The following LOXHD1 variants were observed in gnomAD, a reference collection of about 807,000 sequenced individuals.
The protein encoded by LOXHD1 is lipoxygenase homology domain-containing protein 1.
In LOXHD1, 205 loss-of-function variants were observed where a neutral mutation model predicts 248.2. The observed-to-expected ratio is 0.83, with a 90% confidence interval of 0.74 to 0.93. The LOEUF (loss-of-function observed/expected upper bound fraction) is 0.93. Ranked by LOEUF, LOXHD1 falls within the 40% of genes least tolerant of loss-of-function variation. The pLI is 0.00. For synonymous variants in LOXHD1, 1,113 were observed against 1,162.8 expected, an observed-to-expected ratio of 0.96 and a Z score of 0.87; for missense variants, 2,930 against 2,971.6, an observed-to-expected ratio of 0.99 and a Z score of 0.33.
intron 29 of LOXHD1, 82 bp from the exon 30 acceptor site, chr18:46,524,999 C>T (rs2035763785): frequency 6.8e-7 from 1 of 1,467,126 alleles, no homozygotes; most frequent in Admixed American, 2.0e-5. Context: ...TGGGACCTTC[C>T]TTCCCCCTCA....
chr18:46,591,921 G>A lies in LOXHD1; in HGVS notation c.1654+12C>T. On this transcript the variant is annotated intron_variant, in intron 12 of 40. Coordinates refer to ENST00000642948, the MANE Select transcript of LOXHD1 (RefSeq NM_001384474.1). ...CACTGCCTCCCAGGATGGAGAGCCT[G>A]TCAGTACTTACTGCCCATGATCCTG... The A allele has an allele frequency of 2.6e-6, 4 of 1,551,664 alleles. No homozygotes were observed. The highest frequency in any genetic ancestry group is 3.5e-6 in the Non-Finnish European group (4 of 1,146,930).
At chr18:46,554,168 G>A (rs1051507102) in intron 21 of LOXHD1, among the ~76,000 whole-genome samples, 1 of 152,302 alleles carries the variant, frequency 6.6e-6, no homozygotes, top group East Asian at 1.9e-4. Context: ...CGATCAGGGG[G>A]TGGGGATGGT....
rs558068684 is a variant in LOXHD1, at chr18:46,567,864, G to T, written c.2245-1415C>A. ...CAGAGCCCATGCTCCCAGCCTCTTG[G>T]CCATGCTGCTTGTTGAGGGGGTTTC... On this transcript the variant is annotated intron_variant, in intron 16 of 40. Coordinates refer to ENST00000642948, the MANE Select transcript of LOXHD1 (RefSeq NM_001384474.1). Among the ~76,000 whole-genome samples, 4 of 152,258 alleles carry T rather than the reference G, an allele frequency of 2.6e-5. No individual in the cohort carries two copies. The South Asian group carries it at 8.3e-4, about 32-fold the overall frequency.
At chr18:46,563,916 G>A (rs924886015) in intron 17 of LOXHD1, among the ~76,000 whole-genome samples, 8 of 152,196 alleles carry the variant, frequency 5.3e-5, no homozygotes, top group Non-Finnish European at 8.8e-5. Context: ...AGCAGTGAGC[G>A]CAGAGAGAGC....
At chr18:46,557,792 AC>A in intron 20 of LOXHD1, 9 of 1,182,770 alleles carry the variant, frequency 7.6e-6, no homozygotes, top group Non-Finnish European at 1.0e-5. Context: ...CTGGATGCCC[AC>A]ATCTGTGGTG....
chr18:46,648,393 G>A (rs1309377592), intron 2 of LOXHD1, among the ~76,000 whole-genome samples: 1 of 152,220 alleles, frequency 6.6e-6, no homozygotes, highest in Non-Finnish European at 1.5e-5. Context: ...GTTTCCCCAT[G>A]AGCAGATTAG....
intron 26 of LOXHD1, among the ~76,000 whole-genome samples, chr18:46,536,486 C>A (rs2036315305): frequency 6.6e-6 from 1 of 152,012 alleles, no homozygotes; most frequent in African/African-American, 2.4e-5. Flanking sequence ...ACACTCCCCC[C>A]AAATCCAGAG....
At chr18:46,508,817 G>A (rs1177676161) in intron 35 of LOXHD1, among the ~76,000 whole-genome samples, 3 of 152,210 alleles carry the variant, frequency 2.0e-5, no homozygotes, top group African/African-American at 7.2e-5. Context: ...GCCACTCTTA[G>A]CATGGAAAGC....
At chr18:46,652,380 T>C (rs370616562) in intron 1 of LOXHD1, among the ~76,000 whole-genome samples, 2 of 152,294 alleles carry the variant, frequency 1.3e-5, no homozygotes, top group African/African-American at 2.4e-5. Context: ...TTATACCTCA[T>C]TGAAGTTGAA....
chr18:46,640,876 A>G (rs951153372), intron 3 of LOXHD1, among the ~76,000 whole-genome samples: 1 of 152,138 alleles, frequency 6.6e-6, no homozygotes, highest in South Asian at 2.1e-4. Flanking sequence ...CTTTGCATCA[A>G]ACATCTTACC....
At chr18:46,552,983 C>G (rs1427551154) in intron 21 of LOXHD1, among the ~76,000 whole-genome samples, 1 of 152,208 alleles carries the variant, frequency 6.6e-6, no homozygotes, top group Non-Finnish European at 1.5e-5. Context: ...GGCTGCTGCT[C>G]ATGAAGGCCC....
At chr18:46,488,747 G>A (rs936811407) in intron 38 of LOXHD1, among the ~76,000 whole-genome samples, 1 of 152,164 alleles carries the variant, frequency 6.6e-6, no homozygotes, top group African/African-American at 2.4e-5. Flanking sequence ...TCCCCAGTGG[G>A]TTTTCCTGCT....
chr18:46,644,967 T>A (rs2039010378), intron 2 of LOXHD1, among the ~76,000 whole-genome samples: 2 of 152,164 alleles, frequency 1.3e-5, no homozygotes, highest in African/African-American at 2.4e-5. Context: ...CTGGAATATT[T>A]CTGGGTTCCG....
intron 37 of LOXHD1, among the ~76,000 whole-genome samples, chr18:46,490,370 T>C (rs146747286): frequency 3.5e-4 from 53 of 152,360 alleles, no homozygotes; most frequent in African/African-American, 1.2e-3. Flanking sequence ...GTTGAAAAAG[T>C]ACTTCTTACG....
In LOXHD1 at chr18:46,538,483, G is replaced by A. The variant is rs961686034; in HGVS notation, c.3914-146C>T. On this transcript the variant is annotated intron_variant, in intron 25 of 40. Transcript: ENST00000642948. ...CGGGGAACTGCTGCTCAGGGACCTG[G>A]ACCTTCACAAGGTTGCCTAGCAACT... The A allele has an allele frequency of 2.7e-4, 224 of 829,336 alleles. 1 individual carries two copies. Among genetic ancestry groups the A allele is most frequent in the Non-Finnish European group, 2.5e-5 (13 of 525,182 alleles). 51.4% of individuals were successfully genotyped at this position (829,336 alleles called of 1,614,324 possible).
chr18:46,592,199 G>A (rs2038183030), intron 11 of LOXHD1, 131 bp from the exon 12 acceptor site: 1 of 1,261,948 alleles, frequency 7.9e-7, no homozygotes, highest in Non-Finnish European at 1.1e-6. Context: ...ATGGCAGGCA[G>A]AGGGCCGGAT....
chr18:46,552,360 A>T lies in LOXHD1; in HGVS notation c.3350+4996T>A, dbSNP rs149662170. On this transcript the variant is annotated intron_variant, in intron 21 of 40. Transcript: ENST00000642948. ...TTTTTGCCAGCCTGGGACTCCTATA[A>T]AGGACCTCAAATATCTTCCATTTAG... Among the ~76,000 whole-genome samples, 615 of 152,292 alleles carry T rather than the reference A, an allele frequency of 4.0e-3. 6 individuals are homozygous for T. Among genetic ancestry groups the T allele is most frequent in the African/African-American group, 0.013 (536 of 41,560 alleles).
chr18:46,598,974 G>A (rs942884934), intron 8 of LOXHD1, among the ~76,000 whole-genome samples: 5 of 152,100 alleles, frequency 3.3e-5, no homozygotes, highest in Admixed American at 1.3e-4. Context: ...AAATGGTTAT[G>A]AATAGTCAAA....
At chr18:46,639,132 T>C (rs1370140269) in intron 4 of LOXHD1, among the ~76,000 whole-genome samples, 1 of 152,198 alleles carries the variant, frequency 6.6e-6, no homozygotes, top group Non-Finnish European at 1.5e-5. Flanking sequence ...ATAAGTTGTT[T>C]TACTCCTCAT....
Sources: allele counts gnomAD v4.1 joint callset (sites outside exome capture counted in the v4.1 genomes callset), GRCh38; gene constraint gnomAD v4.1.1; transcripts MANE v1.5; gene names NCBI Gene and HGNC (gene_info 2026-07-23, HGNC 2026-07-21).